The following PRKN variants were observed in gnomAD, a reference collection of about 807,000 sequenced individuals.
The protein encoded by PRKN is parkin RBR E3 ubiquitin protein ligase.
Under a neutral mutation model 59.5 loss-of-function variants are expected in PRKN, and 56 were observed. The ratio of observed to expected loss-of-function variants is 0.94; its 90% CI spans 0.76 to 1.18. The LOEUF is 1.18. PRKN is among the 50% of genes most tolerant of loss of function. PRKN has a pLI of 0.00. For missense variants in PRKN, 657 were observed against 596.4 expected (o/e 1.10, Z -1.06); for synonymous variants, 250 against 222.1 (o/e 1.13, Z -1.12).
chr6:161,481,006 G>T (rs551433992), intron 9 of PRKN, among the ~76,000 whole-genome samples: 12 of 152,340 alleles, frequency 7.9e-5, no homozygotes, highest in African/African-American at 2.9e-4. Flanking sequence ...AGCACGAGAC[G>T]CGGGCTCCAG....
chr6:162,263,917 A>C (rs1479647921), intron 2 of PRKN, among the ~76,000 whole-genome samples: 1 of 150,038 alleles, frequency 6.7e-6, no homozygotes, highest in East Asian at 2.0e-4. Context: ...TATCTACTAC[A>C]TAGAAGCAGT....
intron 4 of PRKN, among the ~76,000 whole-genome samples, chr6:162,155,753 A>G (rs1048696940): frequency 6.6e-6 from 1 of 151,870 alleles, no homozygotes; most frequent in Non-Finnish European, 1.5e-5. Flanking sequence ...TAAAAGCCAC[A>G]TTCTGTAAAT....
chr6:162,200,879 C>G (rs1326455757), intron 4 of PRKN, among the ~76,000 whole-genome samples: 2 of 152,182 alleles, frequency 1.3e-5, no homozygotes, highest in Non-Finnish European at 2.9e-5. Flanking sequence ...ACTCTCCATA[C>G]TTCCTTTCAT....
chr6:161,746,428 C>T (rs1265398158), intron 7 of PRKN, among the ~76,000 whole-genome samples: 1 of 151,728 alleles, frequency 6.6e-6, no homozygotes, highest in Non-Finnish European at 1.5e-5. Flanking sequence ...ATCCCCCCAG[C>T]TGTTATCCCC....
rs1428093307 is a variant in PRKN, at chr6:161,385,118, C to T, written c.1167+1676G>A. On this transcript the variant is annotated intron_variant, in intron 10 of 11. Coordinates refer to ENST00000366898, the MANE Select transcript of PRKN (RefSeq NM_004562.3). The surrounding 1 kb of genome is among the most constrained non-coding windows in gnomAD (Gnocchi z 4.9). ...CTAATTTTTGTATTTTTAGTAGAGA[C>T]GGGGTTTCACCATGTTGGCCAGGCT... 2.0e-5 allele frequency among the ~76,000 whole-genome samples: 3 copies of T among 152,144 alleles called. No individual in the cohort carries two copies. Among genetic ancestry groups the T allele is most frequent in the South Asian group, 2.1e-4 (1 of 4,818 alleles).
At chr6:162,723,752 G>GCC (rs2128241192) in intron 1 of PRKN, among the ~76,000 whole-genome samples, 1 of 152,244 alleles carries the variant, frequency 6.6e-6, no homozygotes, top group South Asian at 2.1e-4. Flanking sequence ...AAAAGATATG[G>GCC]CCACAAACAC....
At chr6:162,242,839 T>TGCCTGGCAC (rs1779038251) in intron 3 of PRKN, among the ~76,000 whole-genome samples, 1 of 152,108 alleles carries the variant, frequency 6.6e-6, no homozygotes, top group Non-Finnish European at 1.5e-5. Context: ...CTTATTACCG[T>TGCCTGGCAC]AGAAAACTGC....
chr6:161,374,571 G>A (rs1785583254), intron 10 of PRKN, among the ~76,000 whole-genome samples: 13 of 17,992 alleles, frequency 7.2e-4, no homozygotes, highest in South Asian at 1.8e-3. Flanking sequence ...TGTGGTGTGT[G>A]TAATGGGTGT....
At chr6:161,496,207 C>T (rs1026818423) in intron 9 of PRKN, among the ~76,000 whole-genome samples, 3 of 152,222 alleles carry the variant, frequency 2.0e-5, no homozygotes, top group Admixed American at 6.5e-5. Flanking sequence ...TGACAGTGCA[C>T]ACAGGCAAGG....
At chr6:162,390,396 T>TATATACACAC (rs1180636201) in intron 2 of PRKN, among the ~76,000 whole-genome samples, 29 of 84,120 alleles carry the variant, frequency 3.4e-4, no homozygotes, top group African/African-American at 1.3e-3. Flanking sequence ...TATATATATA[T>TATATACACAC]ACACACACAC....
intron 6 of PRKN, among the ~76,000 whole-genome samples, chr6:161,936,515 A>C (rs900259212): frequency 1.3e-5 from 2 of 151,850 alleles, no homozygotes; most frequent in African/African-American, 4.8e-5. Context: ...GGCTGGTAAC[A>C]GTTTTTGGGA....
intron 1 of PRKN, among the ~76,000 whole-genome samples, chr6:162,450,453 G>A (rs1272051945): frequency 2.1e-5 from 3 of 142,964 alleles, no homozygotes; most frequent in African/African-American, 8.8e-5. Context: ...AATACAGCAT[G>A]GAAAGGGGAA....
At chr6:161,532,987 G>A (rs1779280419) in intron 9 of PRKN, among the ~76,000 whole-genome samples, 1 of 152,108 alleles carries the variant, frequency 6.6e-6, no homozygotes, top group African/African-American at 2.4e-5. Flanking sequence ...TGCTATTTCA[G>A]ACTTGTAAAT....
At chr6:162,360,422 A>G (rs1341422522) in intron 2 of PRKN, among the ~76,000 whole-genome samples, 1 of 152,220 alleles carries the variant, frequency 6.6e-6, no homozygotes, top group Non-Finnish European at 1.5e-5. Flanking sequence ...AAACAAATTA[A>G]TGGATTTTGA....
chr6:162,492,286 C>T (rs1792852720), intron 1 of PRKN, among the ~76,000 whole-genome samples: 1 of 152,210 alleles, frequency 6.6e-6, no homozygotes, highest in African/African-American at 2.4e-5. Context: ...CTTGCTTATC[C>T]TCACCCCTTG....
intron 6 of PRKN, among the ~76,000 whole-genome samples, chr6:161,839,677 G>T (rs1334962771): frequency 6.6e-6 from 1 of 152,138 alleles, no homozygotes; most frequent in East Asian, 1.9e-4. Flanking sequence ...TCTAATTTCA[G>T]AAATTAATTT....
rs894177923 is a variant in PRKN at position 162,442,352 on chromosome 6, T to C, written c.171+958A>G. On this transcript the variant is annotated intron_variant, in intron 2 of 11. Transcript: ENST00000366898. ...CCTGAGTGCAATTAATTGATGCTGG[T>C]TAAGAAAAGGGGAACATACATCTGC... Among the ~76,000 whole-genome samples, 12 of 152,170 alleles carry C rather than the reference T, an allele frequency of 7.9e-5. 1 individual carries two copies. The highest frequency in any genetic ancestry group is 5.9e-4 in the Admixed American group (9 of 15,272).
At chr6:161,835,673 G>A (rs1016690939) in intron 6 of PRKN, among the ~76,000 whole-genome samples, 1 of 152,210 alleles carries the variant, frequency 6.6e-6, no homozygotes, top group African/African-American at 2.4e-5. Flanking sequence ...AGGGGCTCAG[G>A]CACAAGTGCA....
chr6:162,633,808 C>T (rs1461369085), intron 1 of PRKN, among the ~76,000 whole-genome samples: 3 of 151,970 alleles, frequency 2.0e-5, no homozygotes, highest in Non-Finnish European at 4.4e-5. Flanking sequence ...GAGGGAGGAA[C>T]GTGTGTAGCT....
Sources: allele counts gnomAD v4.1 joint callset (sites outside exome capture counted in the v4.1 genomes callset), GRCh38; gene constraint gnomAD v4.1.1; non-coding constraint Gnocchi (gnomAD v3.1); transcripts MANE v1.5; gene names NCBI Gene and HGNC (gene_info 2026-07-23, HGNC 2026-07-21).